Variants in ENPP7 observed in about 807,000 individuals in gnomAD.
The protein encoded by ENPP7 is ectonucleotide pyrophosphatase/phosphodiesterase 7.
Under a neutral mutation model 33.6 loss-of-function variants are expected in ENPP7, and 39 were observed. The ratio of observed to expected loss-of-function variants is 1.16; its 90% CI spans 0.90 to 1.52. The LOEUF (loss-of-function observed/expected upper bound fraction) is 1.52. Ranked by LOEUF, ENPP7 falls within the 40% of genes most tolerant of loss-of-function variation. ENPP7 has a pLI of 0.00. For missense variants in ENPP7, 594 were observed against 641.0 expected, an observed-to-expected ratio of 0.93 and a Z score of 0.79; for synonymous variants, 244 against 274.3, an observed-to-expected ratio of 0.89 and a Z score of 1.09.
In ENPP7 at chr17:79,737,346, A is replaced by ACCCTTGAGC; in HGVS notation, c.1246+90_1246+98dup. 8.4e-7 allele frequency: 1 copy of ACCCTTGAGC among 1,190,722 alleles called. No homozygotes were observed. The highest frequency in any genetic ancestry group is 1.2e-6 in the Non-Finnish European group (1 of 842,658). The allele number at this position is 1,190,722 out of a possible 1,614,324, so 73.8% of individuals were successfully genotyped here. A position where few individuals can be genotyped will look rare whatever the true frequency, so the allele number is the denominator to read the frequency against. The stretch of plus-strand genomic sequence containing the variant: ...GTGCCTGCATGCCTGTGACCAGGAC[A>ACCCTTGAGC]CCCTTGAGCCCCAAGTGGGGCCACC... On this transcript the variant is annotated intron_variant, in intron 4 of 5. Coordinates refer to ENST00000328313, the MANE Select transcript of ENPP7 (RefSeq NM_178543.5). This position sits in a 1 kb window ranked among gnomAD's most constrained non-coding sequence, Gnocchi z 5.5.
At chr17:79,736,391 G>A (rs1325313713) in intron 3 of ENPP7, among the ~76,000 whole-genome samples, 1 of 152,212 alleles carries the variant, frequency 6.6e-6, no homozygotes, top group Non-Finnish European at 1.5e-5. Context: ...TCCCCAGTTT[G>A]AGGAGTGTCA....
rs1555823763 is a variant in ENPP7 at position 79,737,158 on chromosome 17, T to C, written c.1144T>C (p.Phe382Leu). The change falls in exon 4 of 6, where the codon TTT (phenylalanine) becomes CTT (leucine). Residue 382 changes from phenylalanine (F) to leucine (L), a missense_variant. By Grantham distance (22) the Phe-to-Leu change is conservative. This residue lies in a region of ENPP7 where 504 missense variants were observed against 512.8 expected (regional missense o/e 0.98). Coordinates refer to ENST00000328313, the MANE Select transcript of ENPP7 (RefSeq NM_178543.5). The surrounding 1 kb of genome is among the most constrained non-coding windows in gnomAD (Gnocchi z 5.5). Reference sequence around the variant, plus strand: ...CAGGGCGGGCCTGGAGGTGGAGCCCTTTGAGAGCGTCCACGTGTACGAGCT... The same window carrying C: ...CAGGGCGGGCCTGGAGGTGGAGCCCCTTGAGAGCGTCCACGTGTACGAGCT... ...SFRAGLEVEP[F>L]ESVHVYELMC... is the part of the protein sequence containing the mutation. 5 of 1,613,872 alleles carry C rather than the reference T, an allele frequency of 3.1e-6. No individual in the cohort carries two copies. In the Middle Eastern group the frequency reaches 4.9e-4, roughly 160 times the overall value.
intron 1 of ENPP7, among the ~76,000 whole-genome samples, chr17:79,731,640 T>C (rs1444845589): frequency 2.6e-5 from 4 of 151,688 alleles, no homozygotes; most frequent in Admixed American, 2.0e-4. Context: ...AGGAGGGGAG[T>C]GTGGCGGGCT....
intron 1 of ENPP7, among the ~76,000 whole-genome samples, chr17:79,731,969 A>G (rs2094286240): frequency 2.0e-5 from 3 of 151,722 alleles, no homozygotes; most frequent in Non-Finnish European, 4.4e-5. Flanking sequence ...ATGATGGTGC[A>G]TGCTTGTAAT....
rs201200066 is a variant in ENPP7 at position 79,733,493 on chromosome 17, C to T, written c.254-15C>T. The T allele has an allele frequency of 6.2e-7, 1 of 1,611,560 alleles. No homozygotes were observed. The highest frequency in any genetic ancestry group is 8.5e-7 in the Non-Finnish European group (1 of 1,178,976). On this transcript the variant is annotated splice_polypyrimidine_tract_variant and intron_variant, in intron 1 of 5. Coordinates refer to ENST00000328313, the MANE Select transcript of ENPP7 (RefSeq NM_178543.5). ...CGGTCCATCCCGCCGCCCTCTGCACCTCTTCCTCCCTCAGGCAAATATATC... is the reference window on the plus strand; with the variant it reads ...CGGTCCATCCCGCCGCCCTCTGCACTTCTTCCTCCCTCAGGCAAATATATC...
rs1296862375 is a variant in ENPP7, at chr17:79,735,901, G to C, written c.1026+232G>C. Among the ~76,000 whole-genome samples, 1 of 151,926 alleles carries C rather than the reference G, an allele frequency of 6.6e-6. No homozygotes were observed. The highest frequency in any genetic ancestry group is 1.9e-4 in the East Asian group (1 of 5,182). On this transcript the variant is annotated intron_variant, in intron 3 of 5. Transcript: ENST00000328313. This position sits in a 1 kb window ranked among gnomAD's most constrained non-coding sequence, Gnocchi z 5.5. ...CACCATGCCTGGCTAATTTTTGTGT[G>C]TGTTTTGTTTTGTTTTGTTTCATTT...
In ENPP7 at chr17:79,735,164, C is replaced by T. The variant is rs782664704; in HGVS notation, c.521C>T (p.Ala174Val). The T allele has an allele frequency of 1.2e-5, 20 of 1,613,106 alleles. No individual in the cohort carries two copies. Among genetic ancestry groups the T allele is most frequent in the East Asian group, 2.2e-5 (1 of 44,898 alleles). The change falls in exon 3 of 6, where the codon GCG (alanine) becomes GTG (valine). Residue 174 changes from alanine (A) to valine (V), a missense_variant. Around this residue, in one of 3 missense-constraint regions of ENPP7, gnomAD observed 504 missense variants for 512.8 expected, o/e 0.98. Transcript: ENST00000328313. This position sits in a 1 kb window ranked among gnomAD's most constrained non-coding sequence, Gnocchi z 5.5. ...TACAAAAATGAGACGGAGTGGAGAG[C>T]GAACATCGACACAGTGATGGCGTGG... ...HNYKNETEWR[A>V]NIDTVMAWFT...
rs1905562743 is a variant in ENPP7, at chr17:79,741,995, G to C, written c.*218G>C. 1.0e-6 allele frequency: 1 copy of C among 979,528 alleles called. No individual in the cohort carries two copies. The highest frequency in any genetic ancestry group is 1.1e-4 in the East Asian group (1 of 8,960). The allele number at this position is 979,528 out of a possible 1,614,324, so 60.7% of individuals were successfully genotyped here. On this transcript the variant is annotated 3_prime_UTR_variant, in exon 6 of 6. Transcript: ENST00000328313. ...CAGGTCCAGAGCCCCCGGCGAGCCG[G>C]TCCCATAACCGGCCCCCTGCCCCTG...
rs1366320506 is a variant in ENPP7, at chr17:79,731,040, G to A, written c.-100G>A. 2.3e-4 allele frequency: 312 copies of A among 1,330,052 alleles called. 2 individuals carry two copies. In the East Asian group the frequency reaches 4.6e-3, roughly 20 times the overall value. 82.4% of individuals were successfully genotyped at this position (1,330,052 alleles called of 1,614,324 possible). A position where few individuals can be genotyped will look rare whatever the true frequency, so the allele number is the denominator to read the frequency against. The stretch of plus-strand genomic sequence containing the variant: ...ATGTGCACAGCCACATTCCAAAGGC[G>A]CACGGGATGAGATCAGCCCGGGTGA... On this transcript the variant is annotated 5_prime_UTR_variant, in exon 1 of 6. Coordinates refer to ENST00000328313, the MANE Select transcript of ENPP7 (RefSeq NM_178543.5).
rs368691532 is a variant in ENPP7, at chr17:79,737,564, ATCCCCAC to A, written c.1246+319_1246+325del. On this transcript the variant is annotated intron_variant, in intron 4 of 5. Transcript: ENST00000328313. The surrounding 1 kb of genome is among the most constrained non-coding windows in gnomAD (Gnocchi z 5.5). ...GCAGAGCCCACCTCCTGGCTGCTGGATCCCCACTCCCCACTCCCCACCACAGCAACCT... is the reference window on the plus strand; with the variant it reads ...GCAGAGCCCACCTCCTGGCTGCTGGATCCCCACTCCCCACCACAGCAACCT... 4.8e-4 allele frequency among the ~76,000 whole-genome samples: 73 copies of A among 152,054 alleles called. No homozygotes were observed. Among genetic ancestry groups the A allele is most frequent in the Middle Eastern group, 3.4e-3 (1 of 294 alleles).
chr17:79,736,765 G>A (rs536298135), intron 3 of ENPP7, among the ~76,000 whole-genome samples: 20 of 152,224 alleles, frequency 1.3e-4, no homozygotes, highest in Admixed American at 3.9e-4. Context: ...GTTCAACACC[G>A]CACAGGCGGC....
rs1229432273 is a variant in ENPP7 at position 79,739,947 on chromosome 17, T to A, written c.*17-1847T>A. Among the ~76,000 whole-genome samples, 2 of 152,178 alleles carry A rather than the reference T, an allele frequency of 1.3e-5. No individual in the cohort carries two copies. Among genetic ancestry groups the A allele is most frequent in the Admixed American group, 1.3e-4 (2 of 15,280 alleles). ...TGGCTTCCGCCTGGAACCCCAGTAC[T>A]TCCAGAGGCCGACGCAGGAGGATCG... On this transcript the variant is annotated intron_variant, in intron 5 of 5. Coordinates refer to ENST00000328313, the MANE Select transcript of ENPP7 (RefSeq NM_178543.5). This position sits in a 1 kb window ranked among gnomAD's most constrained non-coding sequence, Gnocchi z 4.4.
chr17:79,735,145 A>C lies in ENPP7; in HGVS notation c.502A>C (p.Asn168His). 1 of 1,613,202 alleles carries C rather than the reference A, an allele frequency of 6.2e-7. No homozygotes were observed. Among genetic ancestry groups the C allele is most frequent in the Non-Finnish European group, 8.5e-7 (1 of 1,180,026 alleles). Residue 168 changes from asparagine to histidine, a missense_variant, in exon 3 of 6, where the codon AAT (asparagine) becomes CAT (histidine). Physicochemically the swap from Asn to His is moderately conservative, Grantham distance 68 (BLOSUM62 1). Coordinates refer to ENST00000328313, the MANE Select transcript of ENPP7 (RefSeq NM_178543.5). The surrounding 1 kb of genome is among the most constrained non-coding windows in gnomAD (Gnocchi z 5.5). ...AGAAGGCATCGCACACAACTACAAA[A>C]ATGAGACGGAGTGGAGAGCGAACAT... is the stretch of plus-strand genomic sequence containing the variant. ...RKEGIAHNYKNETEWRANIDT... is the reference protein window; with the variant it reads ...RKEGIAHNYKHETEWRANIDT...
At chr17:79,734,403 A>G (rs1230383820) in intron 2 of ENPP7, among the ~76,000 whole-genome samples, 8 of 152,082 alleles carry the variant, frequency 5.3e-5, no homozygotes, top group African/African-American at 1.4e-4. Flanking sequence ...TCTTGATCCA[A>G]TGAAAGAATA....
Position 79,735,973 on chromosome 17 carries a change from C to T in ENPP7, c.1026+304C>T, listed in dbSNP as rs573663167. On this transcript the variant is annotated intron_variant, in intron 3 of 5. Coordinates refer to ENST00000328313, the MANE Select transcript of ENPP7 (RefSeq NM_178543.5). This position sits in a 1 kb window ranked among gnomAD's most constrained non-coding sequence, Gnocchi z 5.5. ...CATCCAGGCTGGAGGGTAATGGTGC[C>T]ATCTTGGCTCGCTGCATCCTCCACC... Among the ~76,000 whole-genome samples, 3 of 152,222 alleles carry T rather than the reference C, an allele frequency of 2.0e-5. No homozygotes were observed. Among genetic ancestry groups the T allele is most frequent in the Admixed American group, 1.3e-4 (2 of 15,282 alleles).
At chr17:79,741,585 A>T (rs1905523397) in intron 5 of ENPP7, among the ~76,000 whole-genome samples, 1 of 149,764 alleles carries the variant, frequency 6.7e-6, no homozygotes, top group Non-Finnish European at 1.5e-5. Flanking sequence ...CCCTCCCAGG[A>T]ATCCCTACAC....
In ENPP7 at chr17:79,738,090, A is replaced by G. The variant is rs1555824019; in HGVS notation, c.*16+28A>G. On this transcript the variant is annotated intron_variant, in intron 5 of 5. Transcript: ENST00000328313. The surrounding 1 kb of genome is among the most constrained non-coding windows in gnomAD (Gnocchi z 6.2). ...CAGAGACCCAGAAGGCAGAGGCGGG[A>G]GGGTGGCCCCACGCTCCCTGACCCT... 6.3e-7 allele frequency: 1 copy of G among 1,597,116 alleles called. No homozygotes were observed.
chr17:79,731,575 G>A (rs1188928500), intron 1 of ENPP7, among the ~76,000 whole-genome samples, 183 bp downstream of exon 1: 5 of 152,072 alleles, frequency 3.3e-5, no homozygotes, highest in Non-Finnish European at 7.4e-5. Flanking sequence ...AAATGACCAG[G>A]GGGGTCCTTA....
Position 79,735,022 on chromosome 17 carries a change from T to G in ENPP7, c.400-21T>G, listed in dbSNP as rs2145792021. 3 of 1,609,408 alleles carry G rather than the reference T, an allele frequency of 1.9e-6. No individual in the cohort carries two copies. The East Asian group carries it at 6.7e-5, about 36-fold the overall frequency. On this transcript the variant is annotated intron_variant, in intron 2 of 5. Transcript: ENST00000328313. The surrounding 1 kb of genome is among the most constrained non-coding windows in gnomAD (Gnocchi z 5.5). ...GCAGCCCACTGAGGAGTCCTGTCTT[T>G]CACGCTGCCTTGTCTGGCAGGGCCT...
Sources: allele counts gnomAD v4.1 joint callset (sites outside exome capture counted in the v4.1 genomes callset), GRCh38; gene constraint gnomAD v4.1.1; regional missense constraint gnomAD v4.1.1; non-coding constraint Gnocchi (gnomAD v3.1); transcripts MANE v1.5; gene names NCBI Gene and HGNC (gene_info 2026-07-23, HGNC 2026-07-21).